The following OXR1 variants were observed in gnomAD, a reference collection of about 807,000 sequenced individuals.
OXR1 encodes oxidation resistance 1.
OXR1 carries 41 observed loss-of-function variants against 104.6 expected under a neutral mutation model. The ratio of observed to expected loss-of-function variants is 0.39; its 90% CI spans 0.31 to 0.51. The LOEUF (loss-of-function observed/expected upper bound fraction) is 0.51, where lower values mean the gene tolerates loss of function less well. Among genes scored for constraint, OXR1 ranks in the 20% least tolerant of loss-of-function variants. The pLI is 0.77. For missense variants in OXR1, 955 were observed against 1,031.9 expected, an observed-to-expected ratio of 0.93 and a Z score of 1.02; for synonymous variants, 348 against 348.4, an observed-to-expected ratio of 1.00 and a Z score of 0.01.
chr8:106,526,536 G>A (rs898010565), intron 3 of OXR1, among the ~76,000 whole-genome samples: 2 of 152,240 alleles, frequency 1.3e-5, no homozygotes, highest in East Asian at 1.9e-4. Flanking sequence ...TATATACAGG[G>A]AAGTTGGTTT....
At chr8:106,432,086 C>T (rs1819382451) in intron 2 of OXR1, among the ~76,000 whole-genome samples, 1 of 152,116 alleles carries the variant, frequency 6.6e-6, no homozygotes, top group Admixed American at 6.5e-5. Flanking sequence ...TTGGCTCTGC[C>T]TTCAAAATAT....
chr8:106,530,395 G>A (rs78696912), intron 3 of OXR1, among the ~76,000 whole-genome samples: 6,816 of 152,132 alleles, frequency 0.045, 177 homozygotes, highest in Middle Eastern at 0.065. Flanking sequence ...ATTCCTGGGC[G>A]CAAGTCAGCC....
intron 13 of OXR1, among the ~76,000 whole-genome samples, chr8:106,740,068 C>T (rs933697119): frequency 1.3e-5 from 2 of 152,084 alleles, no homozygotes. Flanking sequence ...ATATGGAAGG[C>T]AAAAGCATTA....
intron 11 of OXR1, among the ~76,000 whole-genome samples, chr8:106,714,360 C>T (rs1396761698): frequency 6.6e-6 from 1 of 151,968 alleles, no homozygotes; most frequent in Non-Finnish European, 1.5e-5. Flanking sequence ...ATTTCATCTC[C>T]TCCATGGAGG....
chr8:106,475,112 T>C (rs191733914), intron 2 of OXR1, among the ~76,000 whole-genome samples: 37 of 152,030 alleles, frequency 2.4e-4, no homozygotes, highest in African/African-American at 8.2e-4. Context: ...CCTTGAACAG[T>C]GTAGGAGTTA....
intron 2 of OXR1, among the ~76,000 whole-genome samples, chr8:106,373,743 T>A (rs971491458): frequency 6.6e-6 from 1 of 152,032 alleles, no homozygotes; most frequent in African/African-American, 2.4e-5. Context: ...GTGTGTGCCA[T>A]CACACCTGGC....
intron 1 of OXR1, among the ~76,000 whole-genome samples, chr8:106,309,632 A>AT (rs1475018030): frequency 2.6e-5 from 4 of 151,692 alleles, no homozygotes; most frequent in African/African-American, 4.8e-5. Context: ...AGAGCAGTAA[A>AT]TTATTTTTTC....
chr8:106,671,892 A>G (rs535357708), intron 3 of OXR1, among the ~76,000 whole-genome samples: 3 of 151,138 alleles, frequency 2.0e-5, no homozygotes, highest in Non-Finnish European at 4.4e-5. Context: ...TGAGTGCAGC[A>G]CACCAACATG....
intron 3 of OXR1, among the ~76,000 whole-genome samples, chr8:106,526,588 G>A (rs1375143589): frequency 6.6e-6 from 1 of 152,232 alleles, no homozygotes; most frequent in Non-Finnish European, 1.5e-5. Flanking sequence ...TGTCGCCCAG[G>A]CTGGAGTGCA....
rs537697309 is a variant in OXR1 at position 106,462,668 on chromosome 8, T to C, written c.24-56275T>C. Among the ~76,000 whole-genome samples, 7 of 152,272 alleles carry C rather than the reference T, an allele frequency of 4.6e-5. No homozygotes were observed. The East Asian group carries it at 1.4e-3, about 29-fold the overall frequency. On this transcript the variant is annotated intron_variant, in intron 2 of 16. Coordinates refer to ENST00000517566, the MANE Select transcript of OXR1 (RefSeq NM_001198533.2). ...AAGTCAACAAAATTTTACTTATTAATAATGTGCAATAAACAGAAACATTTG... is the reference window on the plus strand; with the variant it reads ...AAGTCAACAAAATTTTACTTATTAACAATGTGCAATAAACAGAAACATTTG...
chr8:106,369,660 T>G (rs1316442341), intron 2 of OXR1, among the ~76,000 whole-genome samples: 1 of 152,226 alleles, frequency 6.6e-6, no homozygotes, highest in Non-Finnish European at 1.5e-5. Context: ...GGAGATCCTT[T>G]CCCCATTGCT....
intron 3 of OXR1, among the ~76,000 whole-genome samples, chr8:106,655,307 GT>G (rs34669888): frequency 0.18 from 26,276 of 147,570 alleles, 2,369 homozygotes; most frequent in East Asian, 0.37. Flanking sequence ...TATGAATAAA[GT>G]TTTTTTTTTT....
intron 1 of OXR1, among the ~76,000 whole-genome samples, chr8:106,302,398 C>T (rs1347477661): frequency 2.0e-5 from 3 of 151,896 alleles, no homozygotes; most frequent in Non-Finnish European, 2.9e-5. Flanking sequence ...CTGGCTAACA[C>T]GGTGAAACCC....
intron 3 of OXR1, among the ~76,000 whole-genome samples, chr8:106,615,557 G>A (rs1278903052): frequency 6.8e-6 from 1 of 148,112 alleles, no homozygotes; most frequent in South Asian, 2.1e-4. Context: ...GCAGTAAGCC[G>A]AGATCAGACT....
intron 3 of OXR1, among the ~76,000 whole-genome samples, chr8:106,628,252 A>G (rs1489392993): frequency 1.3e-5 from 2 of 152,166 alleles, no homozygotes; most frequent in Non-Finnish European, 2.9e-5. Context: ...GGGTTCGATG[A>G]TAAAATATAT....
intron 11 of OXR1, among the ~76,000 whole-genome samples, chr8:106,730,020 G>A (rs779767473): frequency 1.3e-5 from 2 of 151,588 alleles, no homozygotes; most frequent in African/African-American, 2.4e-5. Context: ...CCTCATATTG[G>A]TAACCACCTC....
intron 2 of OXR1, among the ~76,000 whole-genome samples, chr8:106,434,817 G>C (rs940726572): frequency 6.6e-6 from 1 of 152,192 alleles, no homozygotes; most frequent in East Asian, 1.9e-4. Flanking sequence ...CTAGGAATCA[G>C]ATGCTATTCC....
intron 2 of OXR1, among the ~76,000 whole-genome samples, chr8:106,484,648 A>C (rs1003810379): frequency 1.3e-5 from 2 of 152,034 alleles, no homozygotes; most frequent in African/African-American, 4.8e-5. Flanking sequence ...GAATGGCCAA[A>C]GTCCAGAACA....
At chr8:106,445,126 C>T (rs1055324622) in intron 2 of OXR1, among the ~76,000 whole-genome samples, 15 of 152,268 alleles carry the variant, frequency 9.9e-5, no homozygotes, top group African/African-American at 2.9e-4. Context: ...CTGATAATCT[C>T]CACCTGCTGT....
Sources: allele counts gnomAD v4.1 joint callset (sites outside exome capture counted in the v4.1 genomes callset), GRCh38; gene constraint gnomAD v4.1.1; transcripts MANE v1.5; gene names NCBI Gene and HGNC (gene_info 2026-07-23, HGNC 2026-07-21).